Variants in NELL1 observed in about 807,000 individuals in gnomAD.
The protein encoded by NELL1 is neural EGFL like 1.
NELL1 carries 76 observed loss-of-function variants against 107.4 expected under a neutral mutation model. That is an observed-to-expected ratio of 0.71 (90% CI 0.59 to 0.86). The LOEUF is 0.86. NELL1 is among the 40% of genes least tolerant of loss of function. NELL1 has a pLI of 0.00. For synonymous variants in NELL1, 353 were observed against 341.2 expected (o/e 1.03, Z -0.38); for missense variants, 1,024 against 1,005.5 (o/e 1.02, Z -0.25).
At chr11:21,296,485 T>C (rs190731829) in intron 14 of NELL1, among the ~76,000 whole-genome samples, 109 of 152,088 alleles carry the variant, frequency 7.2e-4, no homozygotes, top group African/African-American at 2.5e-3. Context: ...AATTTAAAAT[T>C]ATCAATTATA....
chr11:21,316,376 T>C (rs1209758187), intron 14 of NELL1, among the ~76,000 whole-genome samples: 1 of 152,188 alleles, frequency 6.6e-6, no homozygotes, highest in East Asian at 1.9e-4. Flanking sequence ...ATGTAGTCAG[T>C]TGAACAATTT....
At chr11:21,201,986 C>T (rs1484036148) in intron 13 of NELL1, among the ~76,000 whole-genome samples, 3 of 152,286 alleles carry the variant, frequency 2.0e-5, no homozygotes, top group Non-Finnish European at 2.9e-5. Flanking sequence ...CCGACTTGAT[C>T]GTCGTGGATA....
intron 15 of NELL1, among the ~76,000 whole-genome samples, chr11:21,392,828 C>A (rs1355675227): frequency 6.7e-6 from 1 of 150,244 alleles, no homozygotes; most frequent in Non-Finnish European, 1.5e-5. Context: ...AGACTTTCTG[C>A]AAAGATAGAC....
At chr11:20,761,454 A>T (rs1223335886) in intron 2 of NELL1, among the ~76,000 whole-genome samples, 4 of 152,226 alleles carry the variant, frequency 2.6e-5, no homozygotes, top group African/African-American at 9.6e-5. Flanking sequence ...AAAATACAAC[A>T]TACGCTTCAA....
chr11:20,823,277 A>G (rs1857799928), intron 3 of NELL1, among the ~76,000 whole-genome samples: 1 of 151,270 alleles, frequency 6.6e-6, no homozygotes, highest in African/African-American at 2.4e-5. Flanking sequence ...AACTCCTGAT[A>G]AAACCATCAG....
intron 2 of NELL1, among the ~76,000 whole-genome samples, chr11:20,705,357 G>A (rs955551594): frequency 3.6e-4 from 54 of 152,090 alleles, no homozygotes; most frequent in African/African-American, 1.1e-3. Context: ...CAGAAATAAT[G>A]CCGCATATCT....
rs1307797953 is a variant in NELL1, at chr11:21,370,865, A to G, written c.1562A>G (p.Glu521Gly). 3 of 1,611,458 alleles carry G rather than the reference A, an allele frequency of 1.9e-6. No individual in the cohort carries two copies. The highest frequency in any genetic ancestry group is 2.5e-6 in the Non-Finnish European group (3 of 1,178,668). Residue 521 changes from glutamate to glycine, a missense_variant, in exon 15 of 20, where the codon GAG becomes GGG. Glu to Gly is a moderately conservative substitution (Grantham distance 98, BLOSUM62 -2). Transcript: ENST00000357134. Reference sequence around the variant, plus strand: ...TCTCTTGCAACAGCTTTCTGTGAAGAGGGCTGCAGATACGGTGGAACGTGT... The same window carrying G: ...TCTCTTGCAACAGCTTTCTGTGAAGGGGGCTGCAGATACGGTGGAACGTGT... ...NGTICRAFCE[E>G]GCRYGGTCVA...
intron 2 of NELL1, among the ~76,000 whole-genome samples, chr11:20,737,720 T>C (rs1214354613): frequency 6.6e-6 from 1 of 152,076 alleles, no homozygotes; most frequent in Non-Finnish European, 1.5e-5. Context: ...TATTATTCCA[T>C]AATGGTAATA....
rs561249866 is a variant in NELL1 at position 20,706,182 on chromosome 11, A to G, written c.184+28122A>G. Among the ~76,000 whole-genome samples the G allele has an allele frequency of 3.9e-5, 6 of 152,300 alleles. No homozygotes were observed. In the East Asian group the frequency reaches 1.2e-3, roughly 29 times the overall value. On this transcript the variant is annotated intron_variant, in intron 2 of 19. Coordinates refer to ENST00000357134, the MANE Select transcript of NELL1 (RefSeq NM_006157.5). ...CATTACTGGGTTATATACCCAAAGG[A>G]CTATAAATCATGCTGCTATAAAGAC...
chr11:21,518,241 A>G (rs2133952442), intron 15 of NELL1, among the ~76,000 whole-genome samples: 1 of 151,748 alleles, frequency 6.6e-6, no homozygotes, highest in East Asian at 1.9e-4. Context: ...CTTTTTCATT[A>G]TGATGGTTAC....
intron 12 of NELL1, among the ~76,000 whole-genome samples, chr11:21,035,151 T>C (rs1403525394): frequency 2.6e-5 from 4 of 151,950 alleles, no homozygotes; most frequent in African/African-American, 7.3e-5. Context: ...CCTGGACACA[T>C]ACACCCTCCC....
At chr11:21,481,461 A>G (rs776877895) in intron 15 of NELL1, among the ~76,000 whole-genome samples, 7 of 152,210 alleles carry the variant, frequency 4.6e-5, no homozygotes, top group Non-Finnish European at 1.0e-4. Context: ...GATTGATGTT[A>G]GTAGCAGAGA....
intron 12 of NELL1, among the ~76,000 whole-genome samples, chr11:21,034,872 G>A (rs1460086680): frequency 3.3e-5 from 5 of 151,970 alleles, no homozygotes; most frequent in South Asian, 2.1e-4. Context: ...GCTAGCAGAC[G>A]ACAAGAAATA....
chr11:20,779,142 G>C (rs913182323), intron 2 of NELL1, among the ~76,000 whole-genome samples: 1 of 152,082 alleles, frequency 6.6e-6, no homozygotes, highest in Non-Finnish European at 1.5e-5. Context: ...CAGTTAATTT[G>C]GTGAGCAGTG....
chr11:20,786,782 GCA>G (rs1227103468), intron 3 of NELL1, among the ~76,000 whole-genome samples: 2 of 151,930 alleles, frequency 1.3e-5, no homozygotes, highest in Admixed American at 6.6e-5. Context: ...GCCAAGGTGG[GCA>G]TATCACAAGG....
intron 2 of NELL1, among the ~76,000 whole-genome samples, chr11:20,748,931 T>C (rs1321173984): frequency 1.3e-5 from 2 of 148,278 alleles, no homozygotes; most frequent in African/African-American, 5.1e-5. Flanking sequence ...CATCCATCCA[T>C]CCATCCATCC....
At chr11:20,759,977 TCCAACCCTGCC>T (rs1311180211) in intron 2 of NELL1, among the ~76,000 whole-genome samples, 2 of 152,198 alleles carry the variant, frequency 1.3e-5, no homozygotes, top group Non-Finnish European at 2.9e-5. Flanking sequence ...ACATAGTGGC[TCCAACCCTGCC>T]CAAAGGCCTG....
intron 14 of NELL1, among the ~76,000 whole-genome samples, chr11:21,248,006 C>T (rs573384511): frequency 1.8e-4 from 28 of 152,290 alleles, no homozygotes; most frequent in African/African-American, 6.7e-4. Flanking sequence ...ATTTCATTCC[C>T]ATTGGCAGAA....
chr11:20,701,829 T>C (rs368811025), intron 2 of NELL1, among the ~76,000 whole-genome samples: 4 of 152,088 alleles, frequency 2.6e-5, no homozygotes, highest in Admixed American at 6.6e-5. Flanking sequence ...AGATGTGCGG[T>C]ATTATTTCTG....
Sources: gnomAD v4.1 joint callset for allele counts (sites outside exome capture counted in the v4.1 genomes callset) on GRCh38, gnomAD v4.1.1 for gene constraint, MANE v1.5 for transcripts, NCBI Gene and HGNC (gene_info 2026-07-23, HGNC 2026-07-21) for gene names.